The following FAM168A variants were observed in gnomAD, a reference collection of about 807,000 sequenced individuals.
FAM168A encodes the protein protein FAM168A.
In FAM168A, 3 loss-of-function variants were observed where a neutral mutation model predicts 28.5. The ratio of observed to expected loss-of-function variants is 0.11; its 90% CI spans 0.05 to 0.27. The LOEUF is 0.27. Ranked by LOEUF, FAM168A falls within the 10% of genes least tolerant of loss-of-function variation. The pLI, the probability that FAM168A is intolerant of heterozygous loss-of-function variation, is 1.00. For missense variants in FAM168A, 222 were observed against 311.5 expected (o/e 0.71, Z 2.16); for synonymous variants, 122 against 124.2 (o/e 0.98, Z 0.12).
At chr11:73,523,045 A>G (rs1943404664) in intron 1 of FAM168A, among the ~76,000 whole-genome samples, 1 of 151,928 alleles carries the variant, frequency 6.6e-6, no homozygotes, top group South Asian at 2.1e-4. Context: ...AAACACACAC[A>G]CACACAATGA....
intron 2 of FAM168A, among the ~76,000 whole-genome samples, chr11:73,445,819 T>G (rs1375306419): frequency 6.6e-6 from 1 of 152,190 alleles, no homozygotes; most frequent in East Asian, 1.9e-4. Context: ...CTTACAGCCC[T>G]TATCAAATAT....
At chr11:73,515,594 A>G (rs901969139) in intron 1 of FAM168A, among the ~76,000 whole-genome samples, 4 of 151,918 alleles carry the variant, frequency 2.6e-5, no homozygotes, top group African/African-American at 7.2e-5. Context: ...AATCTATCTC[A>G]TTAACAACAA....
At chr11:73,589,909 A>G (rs1944362280) in intron 1 of FAM168A, among the ~76,000 whole-genome samples, 1 of 152,078 alleles carries the variant, frequency 6.6e-6, no homozygotes, top group South Asian at 2.1e-4. Flanking sequence ...CCTGGGCGAC[A>G]AGAGTGAAAC....
At chr11:73,436,404 T>C (rs541597950) in intron 2 of FAM168A, among the ~76,000 whole-genome samples, 1 of 152,284 alleles carries the variant, frequency 6.6e-6, no homozygotes, top group Admixed American at 6.5e-5. Flanking sequence ...AGAGGCTTAC[T>C]TCTTTGTGAG....
intron 1 of FAM168A, among the ~76,000 whole-genome samples, chr11:73,548,393 G>A (rs1299506260): frequency 1.3e-5 from 2 of 152,162 alleles, no homozygotes; most frequent in Admixed American, 6.5e-5. Context: ...CTAAGGTGGG[G>A]ACTATTATGA....
In FAM168A at chr11:73,568,209, C is replaced by T. The variant is rs894304473; in HGVS notation, c.-19+29714G>A. Among the ~76,000 whole-genome samples the T allele has an allele frequency of 3.9e-5, 6 of 152,016 alleles. No individual in the cohort carries two copies. In the South Asian group the frequency reaches 1.0e-3, roughly 26 times the overall value. Reference sequence around the variant, plus strand: ...ATGTGTGCCAAGCAACAAAGCAGGCCCAGGACTGTAGCCAACTAATCAAGG... The same window carrying T: ...ATGTGTGCCAAGCAACAAAGCAGGCTCAGGACTGTAGCCAACTAATCAAGG... On this transcript the variant is annotated intron_variant, in intron 1 of 7. Coordinates refer to ENST00000356467, the MANE Select transcript of FAM168A (RefSeq NM_015159.3).
At chr11:73,537,090 G>T (rs1470275289) in intron 1 of FAM168A, among the ~76,000 whole-genome samples, 1 of 152,182 alleles carries the variant, frequency 6.6e-6, no homozygotes, top group Non-Finnish European at 1.5e-5. Context: ...TTTAAAGAAA[G>T]AGTAGAAGTT....
At position 73,430,721 on chromosome 11, in the gene FAM168A, C is replaced by T; in HGVS notation, c.120G>A (p.Leu40=). 1.9e-6 allele frequency: 3 copies of T among 1,613,746 alleles called. No individual in the cohort carries two copies. The highest frequency in any genetic ancestry group is 2.2e-5 in the East Asian group (1 of 44,874). Residue 40 remains leucine (L), a synonymous_variant, in exon 3 of 8, where the codon CTG becomes CTA. Transcript: ENST00000356467. The stretch of plus-strand genomic sequence containing the variant: ...CATAACTGGGACTATTGGTGGGGTA[C>T]AGGCTGGGATTGTAGGCAGGGGCAG... ...PAAAPAYNPS[L]YPTNSPSYAP...
intron 6 of FAM168A, among the ~76,000 whole-genome samples, chr11:73,409,198 C>T (rs1866562674): frequency 6.6e-6 from 1 of 152,172 alleles, no homozygotes; most frequent in South Asian, 2.1e-4. Flanking sequence ...GGCTCCATTC[C>T]TCCATTCTGT....
At chr11:73,435,067 A>T (rs1867064801) in intron 2 of FAM168A, among the ~76,000 whole-genome samples, 2 of 152,106 alleles carry the variant, frequency 1.3e-5, no homozygotes, top group Non-Finnish European at 2.9e-5. Flanking sequence ...TCAAAGATTA[A>T]ATCCCTAAAT....
At chr11:73,428,038 T>G (rs1312542328) in intron 3 of FAM168A, among the ~76,000 whole-genome samples, 1 of 152,228 alleles carries the variant, frequency 6.6e-6, no homozygotes, top group African/African-American at 2.4e-5. Flanking sequence ...AATTCTCCAC[T>G]TTCCACTGGG....
At chr11:73,467,463 GTGCCAAGCA>G (rs1356526477) in intron 2 of FAM168A, among the ~76,000 whole-genome samples, 1 of 151,976 alleles carries the variant, frequency 6.6e-6, no homozygotes, top group African/African-American at 2.4e-5. Flanking sequence ...GTCCTACTAT[GTGCCAAGCA>G]GAGATAAAGT....
At chr11:73,517,493 GAA>G (rs1338826127) in intron 1 of FAM168A, among the ~76,000 whole-genome samples, 2 of 151,850 alleles carry the variant, frequency 1.3e-5, no homozygotes, top group Non-Finnish European at 2.9e-5. Context: ...AAGTCCAACA[GAA>G]AAAGATTCTA....
intron 1 of FAM168A, among the ~76,000 whole-genome samples, chr11:73,591,099 G>A (rs1198627400): frequency 1.3e-5 from 2 of 151,972 alleles, no homozygotes; most frequent in Non-Finnish European, 2.9e-5. Flanking sequence ...AGCAGAGATC[G>A]TGCCACTGTA....
intron 1 of FAM168A, among the ~76,000 whole-genome samples, chr11:73,519,640 T>A (rs1263014214): frequency 1.3e-5 from 2 of 151,920 alleles, no homozygotes; most frequent in East Asian, 3.9e-4. Flanking sequence ...CAGGCAAATA[T>A]TTTAGGAAAA....
At chr11:73,523,451 C>T (rs1451455751) in intron 1 of FAM168A, among the ~76,000 whole-genome samples, 2 of 151,936 alleles carry the variant, frequency 1.3e-5, no homozygotes, top group African/African-American at 2.4e-5. Flanking sequence ...ACACAGTGAC[C>T]GCCTTAATTT....
At chr11:73,437,586 G>A (rs780022673) in intron 2 of FAM168A, among the ~76,000 whole-genome samples, 6 of 151,768 alleles carry the variant, frequency 4.0e-5, no homozygotes, top group Admixed American at 6.6e-5. Flanking sequence ...TCAAAGCACC[G>A]ACTGGAGAGC....
intron 1 of FAM168A, among the ~76,000 whole-genome samples, chr11:73,578,257 G>A (rs752805479): frequency 6.6e-6 from 1 of 152,230 alleles, no homozygotes; most frequent in East Asian, 1.9e-4. Context: ...TGATAGAAAA[G>A]CCGATAGGTG....
intron 1 of FAM168A, among the ~76,000 whole-genome samples, chr11:73,538,945 A>T (rs1010396264): frequency 1.3e-5 from 2 of 152,202 alleles, no homozygotes; most frequent in African/African-American, 4.8e-5. Flanking sequence ...CTATCAAAGT[A>T]TTTTGTTATG....
Sources: allele counts gnomAD v4.1 joint callset (sites outside exome capture counted in the v4.1 genomes callset), GRCh38; gene constraint gnomAD v4.1.1; transcripts MANE v1.5; gene names NCBI Gene and HGNC (gene_info 2026-07-23, HGNC 2026-07-21).